ENTPD3: variants seen among roughly 807,000 people sequenced by gnomAD.
ENTPD3 encodes the protein CD39 antigen-like 3.
ENTPD3 carries 60 observed loss-of-function variants against 51.2 expected under a neutral mutation model. That is an observed-to-expected ratio of 1.17 (90% confidence interval 0.95 to 1.45). ENTPD3 has a LOEUF of 1.45. Ranked by LOEUF, ENTPD3 falls within the 40% of genes most tolerant of loss-of-function variation. The pLI is 0.00. For synonymous variants in ENTPD3, 221 were observed against 238.4 expected, an observed-to-expected ratio of 0.93 and a Z score of 0.67; for missense variants, 593 against 641.1, an observed-to-expected ratio of 0.93 and a Z score of 0.81.
chr3:40,419,579 T>C (rs907362842), intron 7 of ENTPD3, among the ~76,000 whole-genome samples: 2 of 152,204 alleles, frequency 1.3e-5, no homozygotes, highest in Admixed American at 6.5e-5. Flanking sequence ...CATTGATTCA[T>C]ATATTAATTT....
intron 4 of ENTPD3, among the ~76,000 whole-genome samples, chr3:40,404,327 T>G (rs1046197574): frequency 2.6e-5 from 4 of 152,216 alleles, no homozygotes; most frequent in Admixed American, 6.5e-5. Flanking sequence ...ATACAGTAAG[T>G]GCTCAATAAG....
chr3:40,392,138 T>A lies in ENTPD3; in HGVS notation c.156T>A (p.Pro52=). The change falls in exon 3 of 11, where the codon CCT becomes CCA. Residue 52 remains proline, a synonymous_variant. Coordinates refer to ENST00000301825, the MANE Select transcript of ENTPD3 (RefSeq NM_001248.4). ...VIQIHKQEVL[P]PGLKYGIVLD... The stretch of plus-strand genomic sequence containing the variant: ...AGATCCACAAGCAAGAGGTCCTCCC[T>A]CCAGGACTGAAGGTAAGTGTGAAGG... The A allele has an allele frequency of 6.2e-7, 1 of 1,614,064 alleles. No individual in the cohort carries two copies. Among genetic ancestry groups the A allele is most frequent in the Non-Finnish European group, 8.5e-7 (1 of 1,180,000 alleles).
chr3:40,407,275 C>T (rs1405567152), intron 4 of ENTPD3, among the ~76,000 whole-genome samples: 2 of 151,996 alleles, frequency 1.3e-5, no homozygotes, highest in African/African-American at 4.8e-5. Context: ...GTCGTAACTG[C>T]TCAACTCTGC....
chr3:40,388,507 CTG>C (rs1954987616), intron 2 of ENTPD3, among the ~76,000 whole-genome samples: 1 of 151,868 alleles, frequency 6.6e-6, no homozygotes, highest in Non-Finnish European at 1.5e-5. Flanking sequence ...CCACCCCTCA[CTG>C]TGAGTCAGTG....
At chr3:40,397,119 CTTTTT>C (rs3064608) in intron 3 of ENTPD3, among the ~76,000 whole-genome samples, 14 of 101,244 alleles carry the variant, frequency 1.4e-4, no homozygotes, top group African/African-American at 4.5e-4. Context: ...TAATTAGTTT[CTTTTT>C]TTTTTTTTTT....
intron 2 of ENTPD3, among the ~76,000 whole-genome samples, chr3:40,389,037 G>C (rs929179148): frequency 3.3e-5 from 5 of 152,154 alleles, no homozygotes; most frequent in Non-Finnish European, 7.3e-5. Flanking sequence ...GATAGTAAGG[G>C]CAATCTATAT....
chr3:40,410,928 C>G (rs1014310764), intron 4 of ENTPD3, among the ~76,000 whole-genome samples: 2 of 152,024 alleles, frequency 1.3e-5, no homozygotes, highest in African/African-American at 4.8e-5. Context: ...GAAAGAGACA[C>G]AGAGGATGAG....
At chr3:40,399,848 C>A (rs919939221) in intron 3 of ENTPD3, among the ~76,000 whole-genome samples, 1 of 152,194 alleles carries the variant, frequency 6.6e-6, no homozygotes. Context: ...CCAGCAACAC[C>A]TGCCTGTTCA....
chr3:40,411,454 G>A (rs937355565), intron 4 of ENTPD3, among the ~76,000 whole-genome samples: 1 of 152,150 alleles, frequency 6.6e-6, no homozygotes, highest in Non-Finnish European at 1.5e-5. Flanking sequence ...TGCTTTGTGG[G>A]AAGCAAGTGG....
intron 2 of ENTPD3, chr3:40,391,338 T>C (rs572006031): frequency 6.6e-6 from 1 of 152,278 alleles, no homozygotes; most frequent in East Asian, 1.9e-4. Flanking sequence ...AAATATTCTA[T>C]CACCTGGTTT....
Position 40,427,763 on chromosome 3 carries a change from G to T in ENTPD3, c.*255G>T, listed in dbSNP as rs6773917. ...GGGGAACAGAGAAGAGACAGGCCAC[G>T]AAGGTCAGGCTCTTTATATTAAGTT... On this transcript the variant is annotated 3_prime_UTR_variant, in exon 11 of 11. Transcript: ENST00000301825. 0.38 allele frequency: 191,561 copies of T among 509,342 alleles called. 38,650 individuals carry two copies. The highest frequency in any genetic ancestry group is 0.58 in the African/African-American group (30,033 of 52,220). 31.6% of individuals were successfully genotyped at this position (509,342 alleles called of 1,614,324 possible).
intron 7 of ENTPD3, among the ~76,000 whole-genome samples, chr3:40,422,201 T>A (rs72863260): frequency 0.028 from 4,173 of 151,604 alleles, 204 homozygotes; most frequent in African/African-American, 0.096. Flanking sequence ...CAACCTGTGA[T>A]CAAAGACATG....
intron 4 of ENTPD3, among the ~76,000 whole-genome samples, chr3:40,407,002 G>T (rs1248764497): frequency 6.6e-6 from 1 of 152,158 alleles, no homozygotes; most frequent in Non-Finnish European, 1.5e-5. Flanking sequence ...ATGATTTTAT[G>T]ATGGACTTGA....
At chr3:40,419,049 T>C (rs1291794244) in intron 7 of ENTPD3, among the ~76,000 whole-genome samples, 1 of 152,218 alleles carries the variant, frequency 6.6e-6, no homozygotes, top group Non-Finnish European at 1.5e-5. Context: ...CAAAGCTTAA[T>C]ATGTTGTTCT....
At chr3:40,421,062 C>T (rs947011244) in intron 7 of ENTPD3, among the ~76,000 whole-genome samples, 3 of 144,412 alleles carry the variant, frequency 2.1e-5, no homozygotes, top group Non-Finnish European at 3.0e-5. Flanking sequence ...CTTGCTTTGT[C>T]ACCCAGGCTG....
chr3:40,397,120 T>TTTC (rs1491180848), intron 3 of ENTPD3, among the ~76,000 whole-genome samples: 5 of 7,968 alleles, frequency 6.3e-4, no homozygotes, highest in Non-Finnish European at 3.0e-3. Flanking sequence ...AATTAGTTTC[T>TTTC]TTTTTTTTTT....
chr3:40,391,019 G>A (rs1164932010), intron 2 of ENTPD3: 2 of 152,074 alleles, frequency 1.3e-5, no homozygotes, highest in Non-Finnish European at 2.9e-5. Flanking sequence ...CTGGTGTGTA[G>A]TAGTTTGATC....
At chr3:40,396,776 C>T in intron 3 of ENTPD3, among the ~76,000 whole-genome samples, 1 of 152,162 alleles carries the variant, frequency 6.6e-6, no homozygotes, top group East Asian at 1.9e-4. Flanking sequence ...AACTTTAGAG[C>T]TTCTCAGTCC....
chr3:40,414,206 C>G (rs969513416), intron 5 of ENTPD3, among the ~76,000 whole-genome samples: 7 of 152,150 alleles, frequency 4.6e-5, no homozygotes, highest in African/African-American at 1.7e-4. Flanking sequence ...AAGAGTGAAG[C>G]AAAAACAGCT....
Sources: gnomAD v4.1 joint callset for allele counts (sites outside exome capture counted in the v4.1 genomes callset) on GRCh38, gnomAD v4.1.1 for gene constraint, MANE v1.5 for transcripts, NCBI Gene and HGNC (gene_info 2026-07-23, HGNC 2026-07-21) for gene names.